Variants in RIGI observed in about 807,000 individuals in gnomAD.
RIGI encodes the protein RNA sensor RIG-I.
At chr9:32,499,337 T>TG in the RIGI span, among the ~76,000 whole-genome samples, 2 of 133,340 alleles carry the variant, frequency 1.5e-5, 1 homozygote, top group South Asian at 4.6e-4. Context: ...TTTTTTTTTT[T>TG]GCTTTCTTTA....
the RIGI span, among the ~76,000 whole-genome samples, chr9:32,459,741 C>A: frequency 3.3e-4 from 50 of 152,186 alleles, no homozygotes; most frequent in Non-Finnish European, 4.9e-4. Flanking sequence ...CTTTCAATTT[C>A]TTCATCAAAA....
At chr9:32,516,246 T>C in the RIGI span, among the ~76,000 whole-genome samples, 1 of 152,208 alleles carries the variant, frequency 6.6e-6, no homozygotes, top group East Asian at 1.9e-4. Flanking sequence ...TTCCCTGCTA[T>C]ATAAACCCCT....
chr9:32,473,287 T>C, the RIGI span, among the ~76,000 whole-genome samples: 4 of 5,976 alleles, frequency 6.7e-4, no homozygotes, highest in African/African-American at 1.2e-3. Flanking sequence ...TCTCTAAGAC[T>C]TTTTTTTTTT....
the RIGI span, chr9:32,500,790 A>G: frequency 6.2e-7 from 1 of 1,603,602 alleles, no homozygotes; most frequent in Admixed American, 1.8e-5. Flanking sequence ...TTGTGATTAA[A>G]AAGAATGAAC....
chr9:32,460,667 C>A, the RIGI span, among the ~76,000 whole-genome samples: 2 of 151,962 alleles, frequency 1.3e-5, no homozygotes, highest in Non-Finnish European at 2.9e-5. Context: ...ATAAAAAGTT[C>A]AATGGATGGG....
At chr9:32,486,121 A>G in the RIGI span, among the ~76,000 whole-genome samples, 1 of 152,206 alleles carries the variant, frequency 6.6e-6, no homozygotes. Context: ...AGAAATATAC[A>G]TGGCTAACTA....
chr9:32,467,775 C>T, the RIGI span: 23 of 1,583,178 alleles, frequency 1.5e-5, no homozygotes, highest in Admixed American at 4.0e-4. Flanking sequence ...TGGTTTGGAT[C>T]ATTTTGATGA....
the RIGI span, among the ~76,000 whole-genome samples, chr9:32,507,366 CAT>C: frequency 6.6e-6 from 1 of 152,080 alleles, no homozygotes; most frequent in Non-Finnish European, 1.5e-5. Context: ...AAATGGAAAA[CAT>C]AGACATTAAA....
the RIGI span, among the ~76,000 whole-genome samples, chr9:32,499,602 C>T: frequency 7.6e-4 from 115 of 151,996 alleles, no homozygotes; most frequent in African/African-American, 2.7e-3. Flanking sequence ...ATTACAGGTG[C>T]CCACCACCAC....
the RIGI span, among the ~76,000 whole-genome samples, chr9:32,521,146 A>AAAAAAAAAAAAAAC: frequency 6.7e-6 from 1 of 149,800 alleles, no homozygotes. Context: ...TCTCAAAAAA[A>AAAAAAAAAAAAAAC]AAAAAAAAAA....
the RIGI span, chr9:32,491,208 C>T: frequency 1.4e-6 from 2 of 1,442,598 alleles, no homozygotes; most frequent in Non-Finnish European, 9.3e-7. Context: ...CAAAACTTTT[C>T]ACAAGGCTGT....
the RIGI span, chr9:32,476,879 C>T: frequency 2.0e-6 from 2 of 1,015,540 alleles, no homozygotes; most frequent in Non-Finnish European, 2.8e-6. Context: ...GCCTTGATTT[C>T]CCAAACTTCT....
the RIGI span, among the ~76,000 whole-genome samples, chr9:32,510,053 G>A: frequency 6.6e-6 from 1 of 151,948 alleles, no homozygotes; most frequent in South Asian, 2.1e-4. Flanking sequence ...AGAATGAAAA[G>A]GAATGAACAA....
At chr9:32,477,029 G>A in the RIGI span, 1 of 1,614,086 alleles carries the variant, frequency 6.2e-7, no homozygotes, top group East Asian at 2.2e-5. Context: ...TATTGTCTCT[G>A]GGTTTAAGTG....
At chr9:32,465,743 A>G in the RIGI span, among the ~76,000 whole-genome samples, 1 of 152,156 alleles carries the variant, frequency 6.6e-6, no homozygotes, top group Non-Finnish European at 1.5e-5. Flanking sequence ...CTGAGATGAA[A>G]ATCTCTGCAA....
the RIGI span, chr9:32,455,624 T>C: frequency 6.6e-6 from 1 of 151,648 alleles, no homozygotes; most frequent in East Asian, 1.9e-4. Context: ...CCATATCAAA[T>C]AGCAATTAAA....
At chr9:32,494,057 G>C in the RIGI span, 1 of 769,894 alleles carries the variant, frequency 1.3e-6, no homozygotes, top group Non-Finnish European at 2.0e-6. Context: ...AAAAATATCT[G>C]TAAATTACCC....
chr9:32,487,681 G>A, the RIGI span: 3 of 1,595,528 alleles, frequency 1.9e-6, no homozygotes, highest in Non-Finnish European at 2.6e-6. Flanking sequence ...ATGGTACAAT[G>A]TTTCCACAAC....
chr9:32,508,865 T>C, the RIGI span, among the ~76,000 whole-genome samples: 1 of 152,168 alleles, frequency 6.6e-6, no homozygotes, highest in Non-Finnish European at 1.5e-5. Flanking sequence ...AAATTCTCGC[T>C]GCCAGCACAA....
Sources: gnomAD v4.1 joint callset for allele counts (sites outside exome capture counted in the v4.1 genomes callset) on GRCh38, gnomAD v4.1.1 for gene constraint, MANE v1.5 for transcripts, NCBI Gene and HGNC (gene_info 2026-07-23, HGNC 2026-07-21) for gene names.